PROM1: variants seen among roughly 807,000 people sequenced by gnomAD.
PROM1 encodes the protein prominin-1.
A neutral mutation model predicts 116.9 loss-of-function variants in PROM1; 105 were observed. That is an observed-to-expected ratio of 0.90 (90% confidence interval 0.77 to 1.06). The LOEUF (loss-of-function observed/expected upper bound fraction) is 1.06, where lower values mean the gene tolerates loss of function less well. Among genes scored for constraint, PROM1 ranks in the 50% least tolerant of loss-of-function variants. The probability of loss-of-function intolerance (pLI) is 0.00; values close to 1 mark genes in which losing one functional copy is unlikely to be tolerated. For missense variants in PROM1, 1,122 were observed against 1,045.2 expected (o/e 1.07, Z -1.01); for synonymous variants, 393 against 387.0 (o/e 1.02, Z -0.18).
chr4:16,003,511 G>T (rs985031425), intron 13 of PROM1, among the ~76,000 whole-genome samples: 8 of 152,214 alleles, frequency 5.3e-5, no homozygotes, highest in Admixed American at 5.2e-4. Context: ...TGGCATTGTT[G>T]TCAATACCTA....
At chr4:15,998,346 C>A (rs563022500) in intron 15 of PROM1, 39 bp downstream of exon 15, 3 of 1,517,354 alleles carry the variant, frequency 2.0e-6, no homozygotes, top group African/African-American at 2.8e-5. Flanking sequence ...AGAAAAAGAA[C>A]ATCTTAAATA....
chr4:16,024,709 GTGTA>G (rs1323088840), intron 6 of PROM1, among the ~76,000 whole-genome samples: 6 of 152,006 alleles, frequency 3.9e-5, no homozygotes, highest in African/African-American at 1.2e-4. Flanking sequence ...ACGTGTGTGT[GTGTA>G]TGTGTGTGTG....
intron 5 of PROM1, among the ~76,000 whole-genome samples, chr4:16,030,698 T>C (rs945198834): frequency 6.6e-6 from 1 of 152,184 alleles, no homozygotes; most frequent in Non-Finnish European, 1.5e-5. Context: ...AACTATAACA[T>C]GCATAACACA....
At chr4:16,048,671 A>C (rs1309218264) in intron 2 of PROM1, among the ~76,000 whole-genome samples, 1 of 151,978 alleles carries the variant, frequency 6.6e-6, no homozygotes, top group Non-Finnish European at 1.5e-5. Flanking sequence ...TTCTCCCTGC[A>C]GGACTGACAC....
intron 3 of PROM1, among the ~76,000 whole-genome samples, chr4:16,037,649 C>T (rs1380660040): frequency 6.6e-6 from 1 of 152,146 alleles, no homozygotes; most frequent in Non-Finnish European, 1.5e-5. Flanking sequence ...AGCCCGATAA[C>T]CGCCTTCAAA....
At position 15,992,494 on chromosome 4, in the gene PROM1, T is replaced by C. The variant is rs1721317351; in HGVS notation, c.1768-103A>G. 7.8e-6 allele frequency: 10 copies of C among 1,274,218 alleles called. No individual in the cohort carries two copies. In the South Asian group the frequency reaches 1.4e-4, roughly 17 times the overall value. The allele number at this position is 1,274,218 out of a possible 1,614,324, so 78.9% of individuals were successfully genotyped here. ...AAAGCTGGATGTGGTGGCTCATGCC[T>C]GCAATCCTAGCACTTTGGGAGGCTG... On this transcript the variant is annotated intron_variant, in intron 16 of 27. Coordinates refer to ENST00000447510, the MANE Select transcript of PROM1 (RefSeq NM_006017.3).
chr4:15,976,936 C>T (rs1401721454), intron 26 of PROM1, among the ~76,000 whole-genome samples: 1 of 152,182 alleles, frequency 6.6e-6, no homozygotes, highest in Non-Finnish European at 1.5e-5. Context: ...GCTGCTCCAG[C>T]CCTGGGAGCA....
At chr4:15,979,275 A>G in intron 26 of PROM1, 120 bp downstream of exon 26, 1 of 1,481,850 alleles carries the variant, frequency 6.7e-7, no homozygotes, top group Non-Finnish European at 9.1e-7. Context: ...ACTAGCATTG[A>G]TAAAGTATCA....
chr4:15,984,435 A>C (rs1276334214), intron 22 of PROM1, 80 bp from the exon 23 acceptor site: 17 of 1,033,302 alleles, frequency 1.6e-5, no homozygotes, highest in Non-Finnish European at 2.3e-5. Context: ...TTTACTTTTG[A>C]CTTGGTGTCA....
intron 5 of PROM1, among the ~76,000 whole-genome samples, chr4:16,030,629 A>T (rs2149368076): frequency 6.6e-6 from 1 of 152,304 alleles, no homozygotes; most frequent in South Asian, 2.1e-4. Flanking sequence ...TTGTAGCTTT[A>T]TTGTTGATAT....
intron 2 of PROM1, among the ~76,000 whole-genome samples, chr4:16,065,627 T>C (rs565098387): frequency 6.7e-4 from 102 of 152,302 alleles, no homozygotes; most frequent in South Asian, 2.3e-3. Flanking sequence ...CAGTAGATGC[T>C]TGCTACACAT....
chr4:15,996,501 CTCCA>C (rs943359649), intron 15 of PROM1, among the ~76,000 whole-genome samples: 1 of 142,898 alleles, frequency 7.0e-6, no homozygotes, highest in Admixed American at 7.5e-5. Context: ...TAGAGCGAGA[CTCCA>C]TCTCAGAAAA....
In PROM1 at chr4:16,011,397, T is replaced by C. The variant is rs551283076; in HGVS notation, c.1141+1878A>G. ...CACAGAGTTGGCACTAAATAATTTGTTCAGGTTGGGATGAGACAACCTAAA... is the reference window on the plus strand; with the variant it reads ...CACAGAGTTGGCACTAAATAATTTGCTCAGGTTGGGATGAGACAACCTAAA... On this transcript the variant is annotated intron_variant, in intron 11 of 27. Transcript: ENST00000447510. Among the ~76,000 whole-genome samples, 98 of 152,282 alleles carry C rather than the reference T, an allele frequency of 6.4e-4. 3 individuals are homozygous for C. Among genetic ancestry groups the C allele is most frequent in the South Asian group, 1.2e-3 (6 of 4,822 alleles).
chr4:15,970,953 G>T, intron 27 of PROM1, 90 bp downstream of exon 27: 2 of 992,100 alleles, frequency 2.0e-6, no homozygotes, highest in Non-Finnish European at 1.5e-6. Flanking sequence ...ACTTAATGTG[G>T]CAATGTATTA....
At chr4:16,077,266 C>T (rs150374344) in intron 1 of PROM1, among the ~76,000 whole-genome samples, 3,472 of 152,224 alleles carry the variant, frequency 0.023, 135 homozygotes, top group African/African-American at 0.079. Flanking sequence ...GTGGGACATG[C>T]GGGCAACAAT....
chr4:15,995,299 GGAGAGAGA>G (rs955006794), intron 15 of PROM1, among the ~76,000 whole-genome samples: 1 of 150,494 alleles, frequency 6.6e-6, no homozygotes, highest in East Asian at 1.9e-4. Flanking sequence ...CCAGTTGGAA[GGAGAGAGA>G]GAGAGAGAAA....
chr4:16,027,755 G>A (rs968320575), intron 5 of PROM1, among the ~76,000 whole-genome samples: 1 of 152,118 alleles, frequency 6.6e-6, no homozygotes, highest in Non-Finnish European at 1.5e-5. Context: ...TGTCTACACC[G>A]GGTGCTCCAG....
At chr4:15,979,246 A>C in intron 26 of PROM1, 149 bp downstream of exon 26, 1 of 1,257,440 alleles carries the variant, frequency 8.0e-7, no homozygotes, top group Non-Finnish European at 1.1e-6. Context: ...ATGGAACACT[A>C]TGTAGAGCAT....
At chr4:16,044,295 C>A (rs1736012139) in intron 2 of PROM1, among the ~76,000 whole-genome samples, 1 of 152,172 alleles carries the variant, frequency 6.6e-6, no homozygotes, top group African/African-American at 2.4e-5. Context: ...CTATAATGTT[C>A]TCTTGTAAAA....
Sources: gnomAD v4.1 joint callset for allele counts (sites outside exome capture counted in the v4.1 genomes callset) on GRCh38, gnomAD v4.1.1 for gene constraint, MANE v1.5 for transcripts, NCBI Gene and HGNC (gene_info 2026-07-23, HGNC 2026-07-21) for gene names.